Variants in MCPH1 observed in about 807,000 individuals in gnomAD.
The protein encoded by MCPH1 is microcephalin.
MCPH1 carries 104 observed loss-of-function variants against 84.5 expected under a neutral mutation model. The ratio of observed to expected loss-of-function variants is 1.23; its 90% CI spans 1.05 to 1.45. The LOEUF (loss-of-function observed/expected upper bound fraction) is 1.45. Ranked by LOEUF, MCPH1 falls within the 40% of genes most tolerant of loss-of-function variation. MCPH1 has a pLI of 0.00. For synonymous variants in MCPH1, 514 were observed against 366.8 expected, an observed-to-expected ratio of 1.40 and a Z score of -4.58; for missense variants, 1,498 against 1,005.7, an observed-to-expected ratio of 1.49 and a Z score of -6.62.
At chr8:6,625,679 C>T (rs1831999820) in intron 13 of MCPH1, 1 of 984,290 alleles carries the variant, frequency 1.0e-6, no homozygotes, top group Non-Finnish European at 1.2e-6. Context: ...TGCCTGTTGT[C>T]TTAGCTACGT....
chr8:6,419,574 T>A (rs1456401232), intron 3 of MCPH1, among the ~76,000 whole-genome samples: 1 of 151,080 alleles, frequency 6.6e-6, no homozygotes, highest in Non-Finnish European at 1.5e-5. Context: ...TTTTTTTTTT[T>A]TGTATTTTTA....
At chr8:6,629,658 T>C (rs1797011032) in intron 13 of MCPH1, among the ~76,000 whole-genome samples, 1 of 152,136 alleles carries the variant, frequency 6.6e-6, no homozygotes, top group Non-Finnish European at 1.5e-5. Context: ...AAAAAATACA[T>C]GTCTGCTGTT....
chr8:6,588,545 G>T (rs62496902), intron 12 of MCPH1, among the ~76,000 whole-genome samples: 3 of 152,074 alleles, frequency 2.0e-5, no homozygotes, highest in Non-Finnish European at 2.9e-5. Flanking sequence ...TGTCCAGCCG[G>T]GCTCCTGGAG....
chr8:6,634,322 C>T (rs182474831), intron 13 of MCPH1, among the ~76,000 whole-genome samples: 1 of 152,306 alleles, frequency 6.6e-6, no homozygotes, highest in Non-Finnish European at 1.5e-5. Context: ...AAGGCAGCGT[C>T]GAAACTCATT....
intron 12 of MCPH1, among the ~76,000 whole-genome samples, chr8:6,518,774 G>A (rs1410019535): frequency 6.6e-6 from 1 of 152,128 alleles, no homozygotes; most frequent in East Asian, 1.9e-4. Flanking sequence ...ACATTTATAT[G>A]CAAACATATT....
At chr8:6,500,864 A>AT (rs1187572419) in intron 12 of MCPH1, 2 of 152,184 alleles carry the variant, frequency 1.3e-5, no homozygotes, top group Non-Finnish European at 2.9e-5. Context: ...TTGTCCTTGA[A>AT]TTTTTTATCA....
intron 12 of MCPH1, among the ~76,000 whole-genome samples, chr8:6,605,783 C>A (rs1829723967): frequency 6.6e-6 from 1 of 152,182 alleles, no homozygotes; most frequent in South Asian, 2.1e-4. Context: ...CTGCAACCTC[C>A]ACCTCCCAGG....
intron 13 of MCPH1, among the ~76,000 whole-genome samples, chr8:6,636,896 G>C (rs557401464): frequency 6.6e-6 from 1 of 152,294 alleles, no homozygotes; most frequent in South Asian, 2.1e-4. Context: ...CACATTTCCT[G>C]GATGGGAAAC....
chr8:6,622,402 G>C (rs1026488039), intron 13 of MCPH1, among the ~76,000 whole-genome samples: 60 of 152,178 alleles, frequency 3.9e-4, no homozygotes, highest in African/African-American at 1.4e-3. Context: ...TGTGAAGCAA[G>C]GACGGCCTGG....
Position 6,438,945 on chromosome 8 carries a change from A to G in MCPH1, c.437-8A>G. 1 of 1,611,058 alleles carries G rather than the reference A, an allele frequency of 6.2e-7. No individual in the cohort carries two copies. The highest frequency in any genetic ancestry group is 8.5e-7 in the Non-Finnish European group (1 of 1,178,412). On this transcript the variant is annotated splice_polypyrimidine_tract_variant and splice_region_variant and intron_variant, in intron 5 of 13. Transcript: ENST00000344683. ...TGGTCTTAAAGTGGATTTTTTGTTT[A>G]TTTTCAGATGATGATGTACCTATTC...
chr8:6,552,815 C>CTTTT (rs57835088), intron 12 of MCPH1, among the ~76,000 whole-genome samples: 1 of 146,202 alleles, frequency 6.8e-6, no homozygotes, highest in African/African-American at 2.5e-5. Flanking sequence ...GTTATTCCTG[C>CTTTT]TTTTTTTTTT....
At chr8:6,535,592 G>A (rs1245447188) in intron 12 of MCPH1, among the ~76,000 whole-genome samples, 1 of 152,080 alleles carries the variant, frequency 6.6e-6, no homozygotes. Context: ...TAGCATATAT[G>A]TATATAGTGT....
chr8:6,435,735 G>A (rs1468054432), intron 4 of MCPH1, among the ~76,000 whole-genome samples: 1 of 152,152 alleles, frequency 6.6e-6, no homozygotes, highest in East Asian at 1.9e-4. Flanking sequence ...GGCTGGTTTG[G>A]TGGTAAGAAC....
At chr8:6,555,591 A>G (rs1418438514) in intron 12 of MCPH1, among the ~76,000 whole-genome samples, 1 of 151,584 alleles carries the variant, frequency 6.6e-6, no homozygotes, top group Non-Finnish European at 1.5e-5. Flanking sequence ...CCTCCTGAGT[A>G]GCTGAGACTA....
chr8:6,580,020 A>C (rs976767602), intron 12 of MCPH1, among the ~76,000 whole-genome samples: 2 of 152,198 alleles, frequency 1.3e-5, no homozygotes, highest in African/African-American at 2.4e-5. Flanking sequence ...CAGTAGGGTC[A>C]GGTTCAAACT....
At chr8:6,427,262 C>T (rs764229527) in intron 3 of MCPH1, among the ~76,000 whole-genome samples, 1 of 152,130 alleles carries the variant, frequency 6.6e-6, no homozygotes, top group Non-Finnish European at 1.5e-5. Context: ...GAGTGGTGAG[C>T]GAATGTGAAG....
At position 6,532,271 on chromosome 8, in the gene MCPH1, C is replaced by A. The variant is rs565609666; in HGVS notation, c.2214+32342C>A. The A allele has an allele frequency of 6.3e-6, 10 of 1,595,218 alleles. No homozygotes were observed. The African/African-American group carries it at 6.7e-5, about 11-fold the overall frequency. On this transcript the variant is annotated intron_variant, in intron 12 of 13. Transcript: ENST00000344683. ...ATGCCTTCATTGAGGAAGCTCCTGACGCGACTGAGTGCTAGTCTCTAGCTG... is the reference window on the plus strand; with the variant it reads ...ATGCCTTCATTGAGGAAGCTCCTGAAGCGACTGAGTGCTAGTCTCTAGCTG...
intron 2 of MCPH1, among the ~76,000 whole-genome samples, chr8:6,413,449 G>C (rs907136308): frequency 6.6e-6 from 1 of 151,098 alleles, no homozygotes; most frequent in African/African-American, 2.4e-5. Context: ...CCTTTAGTTT[G>C]AGAAACTTTT....
chr8:6,443,768 T>A lies in MCPH1; in HGVS notation c.671-625T>A, dbSNP rs550576804. ...GGTGGGTTTGGAAGGATGAATTGTA[T>A]TTACCCAGAATAAAGTGTGGAGGAA... On this transcript the variant is annotated intron_variant, in intron 7 of 13. Coordinates refer to ENST00000344683, the MANE Select transcript of MCPH1 (RefSeq NM_024596.5). Among the ~76,000 whole-genome samples the A allele has an allele frequency of 6.6e-5, 10 of 152,202 alleles. No individual in the cohort carries two copies. The South Asian group carries it at 1.7e-3, about 25-fold the overall frequency.
Sources: gnomAD v4.1 joint callset for allele counts (sites outside exome capture counted in the v4.1 genomes callset) on GRCh38, gnomAD v4.1.1 for gene constraint, MANE v1.5 for transcripts, NCBI Gene and HGNC (gene_info 2026-07-23, HGNC 2026-07-21) for gene names.